MCM9: variants seen among roughly 807,000 people sequenced by gnomAD.
The protein encoded by MCM9 is minichromosome maintenance 9 homologous recombination repair factor.
In MCM9, 55 loss-of-function variants were observed where a neutral mutation model predicts 72.8. The ratio of observed to expected loss-of-function variants is 0.76; its 90% CI spans 0.61 to 0.95. The LOEUF is 0.95. Ranked by LOEUF, MCM9 falls within the 40% of genes least tolerant of loss-of-function variation. The pLI is 0.00. For synonymous variants in MCM9, 480 were observed against 503.4 expected (o/e 0.95, Z 0.62); for missense variants, 1,279 against 1,377.0 (o/e 0.93, Z 1.13).
chr6:118,915,765 C>G (rs1308703188), intron 6 of MCM9, among the ~76,000 whole-genome samples: 1 of 152,208 alleles, frequency 6.6e-6, no homozygotes, highest in African/African-American at 2.4e-5. Flanking sequence ...TTCATACTAA[C>G]AAGAGAAACA....
At chr6:118,898,581 C>G (rs527694786) in intron 8 of MCM9, among the ~76,000 whole-genome samples, 1 of 152,132 alleles carries the variant, frequency 6.6e-6, no homozygotes, top group Admixed American at 6.5e-5. Context: ...TGTGCCACCC[C>G]TAATTTTTGT....
At chr6:118,933,813 T>G (rs1187021643) in intron 1 of MCM9, among the ~76,000 whole-genome samples, 1 of 151,744 alleles carries the variant, frequency 6.6e-6, no homozygotes, top group Non-Finnish European at 1.5e-5. Flanking sequence ...AGAGTGAGAG[T>G]AAGAATGAGT....
At chr6:118,888,304 G>A (rs1035303732) in intron 8 of MCM9, among the ~76,000 whole-genome samples, 4 of 152,086 alleles carry the variant, frequency 2.6e-5, no homozygotes, top group East Asian at 1.9e-4. Context: ...GGCTAACACC[G>A]TAAAACCCCG....
At chr6:118,916,432 C>CATT (rs60745084) in intron 6 of MCM9, among the ~76,000 whole-genome samples, 13,597 of 142,094 alleles carry the variant, frequency 0.096, 717 homozygotes, top group Non-Finnish European at 0.11. Flanking sequence ...GAAATGGAAG[C>CATT]ATTATTATTA....
At chr6:118,870,016 A>G (rs1777494945) in intron 8 of MCM9, among the ~76,000 whole-genome samples, 1 of 152,200 alleles carries the variant, frequency 6.6e-6, no homozygotes, top group Non-Finnish European at 1.5e-5. Flanking sequence ...AACTTTAAAA[A>G]GTCTAAAAGG....
In MCM9 at chr6:118,897,046, C is replaced by T. The variant is rs150708572; in HGVS notation, c.1150+14604G>A. On this transcript the variant is annotated intron_variant, in intron 8 of 13. Transcript: ENST00000619706. The stretch of plus-strand genomic sequence containing the variant: ...TAGAGACGGAGTTTTGCCATGTTGC[C>T]CAAGCTGGTCTCGAACCCCTGGGCT... Among the ~76,000 whole-genome samples the T allele has an allele frequency of 5.3e-4, 80 of 152,104 alleles. 1 individual carries two copies. The East Asian group carries it at 0.011, about 21-fold the overall frequency.
intron 6 of MCM9, among the ~76,000 whole-genome samples, chr6:118,915,145 G>A (rs950999001): frequency 6.6e-6 from 1 of 152,174 alleles, no homozygotes; most frequent in African/African-American, 2.4e-5. Context: ...GTCCCAGAGA[G>A]AAGCAAAAAG....
At chr6:118,823,476 C>T (rs571323272) in intron 13 of MCM9, among the ~76,000 whole-genome samples, 12 of 152,316 alleles carry the variant, frequency 7.9e-5, no homozygotes, top group Non-Finnish European at 1.5e-4. Context: ...CAGCTGGAAA[C>T]GCAGAAATCA....
intron 8 of MCM9, among the ~76,000 whole-genome samples, chr6:118,894,947 G>A (rs1265038266): frequency 6.6e-6 from 1 of 152,174 alleles, no homozygotes; most frequent in Non-Finnish European, 1.5e-5. Context: ...AGTTCGGAGC[G>A]GAGCCATCTT....
At chr6:118,870,690 T>C (rs1426775347) in intron 8 of MCM9, among the ~76,000 whole-genome samples, 1 of 151,110 alleles carries the variant, frequency 6.6e-6, no homozygotes, top group Non-Finnish European at 1.5e-5. Flanking sequence ...AAACTAAGGG[T>C]TGACTTTTAA....
chr6:118,826,712 A>C, intron 12 of MCM9, 70 bp downstream of exon 12: 3 of 1,125,762 alleles, frequency 2.7e-6, no homozygotes, highest in Non-Finnish European at 3.8e-6. Context: ...ATATGTTAAT[A>C]AAGTGTCCTT....
chr6:118,833,096 G>C (rs1194963187), intron 9 of MCM9, among the ~76,000 whole-genome samples: 1 of 152,140 alleles, frequency 6.6e-6, no homozygotes, highest in Admixed American at 6.5e-5. Flanking sequence ...AAGCCCTGGA[G>C]TCAGAGAGCC....
chr6:118,872,873 A>C (rs1404585286), intron 8 of MCM9, among the ~76,000 whole-genome samples: 1 of 151,776 alleles, frequency 6.6e-6, no homozygotes, highest in East Asian at 1.9e-4. Context: ...AAATCAGTGA[A>C]ATTGAAAACC....
In MCM9 at chr6:118,899,537, G is replaced by A. The variant is rs1474988772; in HGVS notation, c.1150+12113C>T. Among the ~76,000 whole-genome samples the A allele has an allele frequency of 1.3e-5, 2 of 152,140 alleles. 1 individual carries two copies. Among genetic ancestry groups the A allele is most frequent in the African/African-American group, 4.8e-5 (2 of 41,412 alleles). On this transcript the variant is annotated intron_variant, in intron 8 of 13. Transcript: ENST00000619706. ...ATGATCTCAGGAGATGTCAGATGCA[G>A]CACCCTGCATCTGGAAGTGTGCTGG...
At chr6:118,891,893 C>G (rs909508741) in intron 8 of MCM9, among the ~76,000 whole-genome samples, 2 of 152,190 alleles carry the variant, frequency 1.3e-5, no homozygotes, top group Non-Finnish European at 2.9e-5. Flanking sequence ...CCATGCAGCC[C>G]TCCAAACATT....
intron 9 of MCM9, among the ~76,000 whole-genome samples, chr6:118,852,811 C>T (rs559688081): frequency 3.7e-4 from 57 of 152,302 alleles, no homozygotes; most frequent in African/African-American, 1.3e-3. Flanking sequence ...TTCTCTTCCT[C>T]TAACCCCCTA....
chr6:118,838,594 T>G (rs1262623601), intron 9 of MCM9, among the ~76,000 whole-genome samples: 4 of 152,154 alleles, frequency 2.6e-5, no homozygotes, highest in Non-Finnish European at 5.9e-5. Flanking sequence ...CTGGCTTTTT[T>G]GTATTTTTAT....
rs1274433572 is a variant in MCM9 at position 118,925,937 on chromosome 6, G to A, written c.305-1810C>T. Among the ~76,000 whole-genome samples, 8 of 152,012 alleles carry A rather than the reference G, an allele frequency of 5.3e-5. No homozygotes were observed. The South Asian group carries it at 1.7e-3, about 32-fold the overall frequency. On this transcript the variant is annotated intron_variant, in intron 3 of 13. Transcript: ENST00000619706. The stretch of plus-strand genomic sequence containing the variant: ...AATATGAATACTTAAAAAAAAGCAA[G>A]ATATAATTCACATGCCATAAAATTT...
At chr6:118,816,352 C>CCTG in intron 13 of MCM9, 58 bp from the exon 14 acceptor site, 1 of 1,390,240 alleles carries the variant, frequency 7.2e-7, no homozygotes, top group Non-Finnish European at 9.5e-7. Flanking sequence ...TTGTGCTAAC[C>CCTG]TATTCATTTC....
Sources: gnomAD v4.1 joint callset for allele counts (sites outside exome capture counted in the v4.1 genomes callset) on GRCh38, gnomAD v4.1.1 for gene constraint, MANE v1.5 for transcripts, NCBI Gene and HGNC (gene_info 2026-07-23, HGNC 2026-07-21) for gene names.